FBLN1: variants seen among roughly 807,000 people sequenced by gnomAD.
FBLN1 encodes fibulin-1.
Under a neutral mutation model 89.7 loss-of-function variants are expected in FBLN1, and 34 were observed. The observed-to-expected ratio is 0.38, with a 90% confidence interval of 0.29 to 0.50. FBLN1 has a LOEUF of 0.50. FBLN1 is among the 20% of genes least tolerant of loss of function. FBLN1 has a pLI of 0.92. For missense variants in FBLN1, 777 were observed against 988.1 expected, an observed-to-expected ratio of 0.79 and a Z score of 2.86; for synonymous variants, 393 against 391.3, an observed-to-expected ratio of 1.00 and a Z score of -0.05.
At position 45,574,231 on chromosome 22, in the gene FBLN1, C is replaced by T. The variant is rs573410521; in HGVS notation, c.1698-280C>T. ...CCATTGTAGCTATTGATGCTCAATT[C>T]GTGCAGTTGACAAATGTCCAAGCTG... On this transcript the variant is annotated intron_variant, in intron 14 of 16. Coordinates refer to ENST00000327858, the MANE Select transcript of FBLN1 (RefSeq NM_006486.3). This position sits in a 1 kb window ranked among gnomAD's most constrained non-coding sequence, Gnocchi z 4.1. Among the ~76,000 whole-genome samples the T allele has an allele frequency of 5.9e-5, 9 of 152,332 alleles. No individual in the cohort carries two copies. The highest frequency in any genetic ancestry group is 1.4e-4 in the African/African-American group (6 of 41,580).
chr22:45,584,555 C>T (rs1601539143), intron 16 of FBLN1, among the ~76,000 whole-genome samples: 1 of 152,302 alleles, frequency 6.6e-6, no homozygotes, highest in South Asian at 2.1e-4. Flanking sequence ...ATTTCATAAC[C>T]TGTCTGAGCC....
Position 45,537,534 on chromosome 22 carries a change from C to T in FBLN1, c.922+2197C>T, listed in dbSNP as rs544071379. Among the ~76,000 whole-genome samples the T allele has an allele frequency of 2.6e-5, 4 of 151,830 alleles. No homozygotes were observed. The highest frequency in any genetic ancestry group is 5.9e-5 in the Non-Finnish European group (4 of 67,990). On this transcript the variant is annotated intron_variant, in intron 8 of 16. Transcript: ENST00000327858. This position sits in a 1 kb window ranked among gnomAD's most constrained non-coding sequence, Gnocchi z 5.7. Reference sequence around the variant, plus strand: ...ACTCAAGATGCTGAGGCAGGAGAATCGCTTGAACCCAGGAGGTGGAGGTTG... The same window carrying T: ...ACTCAAGATGCTGAGGCAGGAGAATTGCTTGAACCCAGGAGGTGGAGGTTG...
chr22:45,522,124 T>G (rs1189494218), intron 2 of FBLN1, among the ~76,000 whole-genome samples: 2 of 151,998 alleles, frequency 1.3e-5, no homozygotes, highest in South Asian at 2.1e-4. Flanking sequence ...TAGCTAGGAG[T>G]ACAGGTGCCT....
chr22:45,557,607 C>T lies in FBLN1; in HGVS notation c.1697+6992C>T, dbSNP rs1044999858. On this transcript the variant is annotated intron_variant, in intron 14 of 16. Transcript: ENST00000327858. The surrounding 1 kb of genome is among the most constrained non-coding windows in gnomAD (Gnocchi z 4.9). ...GACAGGGGTGGCTGGGGAAAGAGGC[C>T]GAGTGGTGTCCACAGAATGAATCAT... is the stretch of plus-strand genomic sequence containing the variant. Among the ~76,000 whole-genome samples the T allele has an allele frequency of 5.3e-5, 8 of 152,084 alleles. No individual in the cohort carries two copies. Among genetic ancestry groups the T allele is most frequent in the Non-Finnish European group, 8.8e-5 (6 of 68,024 alleles).
chr22:45,529,792 G>A (rs2088379577), intron 4 of FBLN1, among the ~76,000 whole-genome samples: 1 of 152,180 alleles, frequency 6.6e-6, no homozygotes, highest in African/African-American at 2.4e-5. Flanking sequence ...GCTTGAACCT[G>A]GGAGGCGGAG....
chr22:45,533,677 G>C (rs756874772), intron 6 of FBLN1, 84 bp from the exon 7 acceptor site: 1 of 1,533,740 alleles, frequency 6.5e-7, no homozygotes, highest in South Asian at 1.1e-5. Context: ...CACTTCCACC[G>C]TGGCTTTGGC....
intron 8 of FBLN1, among the ~76,000 whole-genome samples, chr22:45,538,683 A>G (rs2088514545): frequency 6.6e-6 from 1 of 152,122 alleles, no homozygotes; most frequent in South Asian, 2.1e-4. Flanking sequence ...CTGGTCCCCC[A>G]GCACGCACCC....
In FBLN1 at chr22:45,574,361, C is replaced by A; in HGVS notation, c.1698-150C>A. 1 of 816,876 alleles carries A rather than the reference C, an allele frequency of 1.2e-6. No individual in the cohort carries two copies. 50.6% of individuals were successfully genotyped at this position (816,876 alleles called of 1,614,324 possible). On this transcript the variant is annotated intron_variant, in intron 14 of 16. Transcript: ENST00000327858. This position sits in a 1 kb window ranked among gnomAD's most constrained non-coding sequence, Gnocchi z 4.1. ...GAAGCCTCCCCACAGAGCAGCCAGGCTGCAGAGACCACTGTCGTTCTCTGA... is the reference window on the plus strand; with the variant it reads ...GAAGCCTCCCCACAGAGCAGCCAGGATGCAGAGACCACTGTCGTTCTCTGA...
rs147528917 is a variant in FBLN1 at position 45,542,162 on chromosome 22, C to G, written c.1074C>G (p.Asp358Glu). ...NEEGTRCVDV[D>E]ECAPPAEPCG... ...TTCTTTCTCCTTTGCAAGATGTGGA[C>G]GAGTGCGCGCCACCTGCTGAGCCCT... Residue 358 changes from aspartate (D) to glutamate (E), a missense_variant, in exon 10 of 17, where the codon GAC (aspartate) becomes GAG (glutamate). Coordinates refer to ENST00000327858, the MANE Select transcript of FBLN1 (RefSeq NM_006486.3). 2 of 1,614,194 alleles carry G rather than the reference C, an allele frequency of 1.2e-6. No homozygotes were observed. The highest frequency in any genetic ancestry group is 1.7e-6 in the Non-Finnish European group (2 of 1,180,036).
chr22:45,537,933 G>A lies in FBLN1; in HGVS notation c.922+2596G>A, dbSNP rs758398102. 1.1e-4 allele frequency among the ~76,000 whole-genome samples: 17 copies of A among 152,338 alleles called. No homozygotes were observed. The highest frequency in any genetic ancestry group is 2.2e-4 in the Non-Finnish European group (15 of 68,022). On this transcript the variant is annotated intron_variant, in intron 8 of 16. Coordinates refer to ENST00000327858, the MANE Select transcript of FBLN1 (RefSeq NM_006486.3). This position sits in a 1 kb window ranked among gnomAD's most constrained non-coding sequence, Gnocchi z 5.7. ...GGGGGGTCCGGAGGAGGCTGGCGTC[G>A]ACTGAGGATGGAAACCCTGACTCAT...
chr22:45,505,989 G>A (rs1385279976), intron 1 of FBLN1, among the ~76,000 whole-genome samples: 2 of 152,112 alleles, frequency 1.3e-5, no homozygotes, highest in African/African-American at 2.4e-5. Context: ...GGCTAGTCTC[G>A]AACTCCTGAC....
rs1277548003 is a variant in FBLN1, at chr22:45,578,532, G to C, written c.1972+1424G>C. The C allele has an allele frequency of 2.0e-5, 3 of 152,154 alleles. No individual in the cohort carries two copies. Among genetic ancestry groups the C allele is most frequent in the Non-Finnish European group, 4.4e-5 (3 of 68,050 alleles). 9.4% of individuals were successfully genotyped at this position (152,154 alleles called of 1,614,324 possible). The stretch of plus-strand genomic sequence containing the variant: ...GAGTCACTCCCCACTCTGGGCCTCA[G>C]TTTCCCCCATTGTGAAATGAGAGTT... On this transcript the variant is annotated intron_variant, in intron 16 of 16. Transcript: ENST00000327858. The surrounding 1 kb of genome is among the most constrained non-coding windows in gnomAD (Gnocchi z 4.6).
chr22:45,552,200 G>C (rs1409434017), intron 14 of FBLN1, among the ~76,000 whole-genome samples: 1 of 152,262 alleles, frequency 6.6e-6, no homozygotes, highest in Non-Finnish European at 1.5e-5. Flanking sequence ...AGGGAGGAGG[G>C]GACCCCACCT....
rs1232436756 is a variant in FBLN1 at position 45,597,653 on chromosome 22, C to T, written c.1973-2654C>T. On this transcript the variant is annotated intron_variant, in intron 16 of 16. Coordinates refer to ENST00000327858, the MANE Select transcript of FBLN1 (RefSeq NM_006486.3). The surrounding 1 kb of genome is among the most constrained non-coding windows in gnomAD (Gnocchi z 4.2). ...CGTCATCAGGTTCTGCTGGCGAGCC[C>T]AGGGTGGTGACAGGCGCACGTCTTT... Among the ~76,000 whole-genome samples, 9 of 152,164 alleles carry T rather than the reference C, an allele frequency of 5.9e-5. No individual in the cohort carries two copies. Among genetic ancestry groups the T allele is most frequent in the Non-Finnish European group, 8.8e-5 (6 of 68,036 alleles).
At position 45,574,396 on chromosome 22, in the gene FBLN1, C is replaced by T; in HGVS notation, c.1698-115C>T. 8.8e-7 allele frequency: 1 copy of T among 1,139,536 alleles called. No individual in the cohort carries two copies. The highest frequency in any genetic ancestry group is 2.0e-4 in the Middle Eastern group (1 of 5,126). The allele number at this position is 1,139,536 out of a possible 1,614,324, so 70.6% of individuals were successfully genotyped here. ...CACTGTCGTTCTCTGATGGAGCTGT[C>T]TCTGGGACAGATGCCCCTGCCCTGG... On this transcript the variant is annotated intron_variant, in intron 14 of 16. Coordinates refer to ENST00000327858, the MANE Select transcript of FBLN1 (RefSeq NM_006486.3). The surrounding 1 kb of genome is among the most constrained non-coding windows in gnomAD (Gnocchi z 4.1).
chr22:45,575,540 G>A lies in FBLN1; in HGVS notation c.1840+887G>A, dbSNP rs2147027571. ...ACCATCGGAAGGTTGCAGTGGAGGA[G>A]GTTTGCATATAGAAACATCATCCTG... is the stretch of plus-strand genomic sequence containing the variant. On this transcript the variant is annotated intron_variant, in intron 15 of 16. Transcript: ENST00000327858. The surrounding 1 kb of genome is among the most constrained non-coding windows in gnomAD (Gnocchi z 6.3). Among the ~76,000 whole-genome samples the A allele has an allele frequency of 6.6e-6, 1 of 152,258 alleles. No homozygotes were observed. Among genetic ancestry groups the A allele is most frequent in the East Asian group, 1.9e-4 (1 of 5,180 alleles).
In FBLN1 at chr22:45,533,460, C is replaced by T. The variant is rs540817550; in HGVS notation, c.646+296C>T. On this transcript the variant is annotated intron_variant, in intron 6 of 16. Transcript: ENST00000327858. ...CCTTGGGCACATCCTTCAGCCTCTC[C>T]TGGCCCCCGCGTCTGTGAGATGGGG... is the stretch of plus-strand genomic sequence containing the variant. Among the ~76,000 whole-genome samples, 20 of 152,338 alleles carry T rather than the reference C, an allele frequency of 1.3e-4. 1 individual carries two copies. The South Asian group carries it at 4.1e-3, about 32-fold the overall frequency.
At chr22:45,515,255 C>G (rs1046794132) in intron 1 of FBLN1, among the ~76,000 whole-genome samples, 6 of 152,250 alleles carry the variant, frequency 3.9e-5, no homozygotes, top group Admixed American at 3.9e-4. Context: ...TGGCCATGGT[C>G]CCTGCTTGGC....
chr22:45,521,962 G>A (rs895163886), intron 2 of FBLN1, among the ~76,000 whole-genome samples: 2 of 152,002 alleles, frequency 1.3e-5, no homozygotes, highest in Non-Finnish European at 2.9e-5. Flanking sequence ...TGACCACCTG[G>A]TTTGTCTGTT....
Sources: gnomAD v4.1 joint callset for allele counts (sites outside exome capture counted in the v4.1 genomes callset) on GRCh38, gnomAD v4.1.1 for gene constraint, Gnocchi (gnomAD v3.1) non-coding constraint, MANE v1.5 for transcripts, NCBI Gene and HGNC (gene_info 2026-07-23, HGNC 2026-07-21) for gene names.